Variants in ZFYVE28 observed in about 807,000 individuals in gnomAD.
The protein encoded by ZFYVE28 is lateral signaling target protein 2 homolog.
In ZFYVE28, 40 loss-of-function variants were observed where a neutral mutation model predicts 82.1. The observed-to-expected ratio is 0.49, with a 90% CI of 0.38 to 0.63. The LOEUF is 0.63. ZFYVE28 is among the 30% of genes least tolerant of loss of function. The pLI is 0.00. For synonymous variants in ZFYVE28, 612 were observed against 546.1 expected, an observed-to-expected ratio of 1.12 and a Z score of -1.68; for missense variants, 1,321 against 1,242.1, an observed-to-expected ratio of 1.06 and a Z score of -0.96.
intron 1 of ZFYVE28, among the ~76,000 whole-genome samples, chr4:2,385,662 C>T (rs1367298779): frequency 6.6e-6 from 1 of 152,228 alleles, no homozygotes; most frequent in African/African-American, 2.4e-5. Context: ...TGACCTCCTA[C>T]ATGGATTCCC....
Position 2,335,840 on chromosome 4 carries a change from A to G in ZFYVE28, c.612-46T>C, listed in dbSNP as rs751751274. The G allele has an allele frequency of 6.6e-6, 10 of 1,508,140 alleles. No homozygotes were observed. The highest frequency in any genetic ancestry group is 9.0e-6 in the Non-Finnish European group (10 of 1,109,644). The allele number at this position is 1,508,140 out of a possible 1,614,324, so 93.4% of individuals were successfully genotyped here. On this transcript the variant is annotated intron_variant, in intron 5 of 12. Coordinates refer to ENST00000290974, the MANE Select transcript of ZFYVE28 (RefSeq NM_020972.3). This position sits in a 1 kb window ranked among gnomAD's most constrained non-coding sequence, Gnocchi z 5.8. The stretch of plus-strand genomic sequence containing the variant: ...TGAGCAGCATGAGGGCTGGCCCACC[A>G]CAGCCACAGGTTGGACCCCAGCAGG...
intron 1 of ZFYVE28, among the ~76,000 whole-genome samples, chr4:2,363,318 C>T (rs1019383854): frequency 1.3e-5 from 2 of 152,106 alleles, no homozygotes; most frequent in Non-Finnish European, 2.9e-5. Context: ...GTGCTGAGGA[C>T]GCGGCATCCA....
chr4:2,362,413 C>T lies in ZFYVE28; in HGVS notation c.40-8340G>A, dbSNP rs1726286157. On this transcript the variant is annotated intron_variant, in intron 1 of 12. Coordinates refer to ENST00000290974, the MANE Select transcript of ZFYVE28 (RefSeq NM_020972.3). This position sits in a 1 kb window ranked among gnomAD's most constrained non-coding sequence, Gnocchi z 5.1. ...GACCCCCACAGCAGCTGTTCCTCAGCCCTCACCATGACCAACTAATGGCCG... is the reference window on the plus strand; with the variant it reads ...GACCCCCACAGCAGCTGTTCCTCAGTCCTCACCATGACCAACTAATGGCCG... 6.6e-6 allele frequency among the ~76,000 whole-genome samples: 1 copy of T among 152,148 alleles called. No individual in the cohort carries two copies. The highest frequency in any genetic ancestry group is 1.5e-5 in the Non-Finnish European group (1 of 68,016).
Position 2,377,947 on chromosome 4 carries a change from C to T in ZFYVE28, c.40-23874G>A, listed in dbSNP as rs1728332534. On this transcript the variant is annotated intron_variant, in intron 1 of 12. Transcript: ENST00000290974. ...AGCCTGTTGCTCCTGGGCCACAAAC[C>T]TGCACAGCACGTTACTGTGCTGAAC... Among the ~76,000 whole-genome samples the T allele has an allele frequency of 2.0e-5, 3 of 152,356 alleles. No homozygotes were observed. In the South Asian group the frequency reaches 6.2e-4, roughly 32 times the overall value.
chr4:2,309,343 C>T (rs961242005), intron 7 of ZFYVE28, among the ~76,000 whole-genome samples: 3 of 152,144 alleles, frequency 2.0e-5, no homozygotes, highest in African/African-American at 4.8e-5. Context: ...ATGAGCTAAA[C>T]GAACCTCCTT....
Position 2,320,341 on chromosome 4 carries a change from T to A in ZFYVE28, c.702-70A>T. ...CCTGGGTGCCGCGGACGGCCCAACT[T>A]AACCACCTGCGAAAACCACGCCCGC... On this transcript the variant is annotated intron_variant, in intron 6 of 12. Coordinates refer to ENST00000290974, the MANE Select transcript of ZFYVE28 (RefSeq NM_020972.3). The surrounding 1 kb of genome is among the most constrained non-coding windows in gnomAD (Gnocchi z 5.1). The A allele has an allele frequency of 6.8e-7, 1 of 1,461,910 alleles. No homozygotes were observed. Among genetic ancestry groups the A allele is most frequent in the Non-Finnish European group, 9.4e-7 (1 of 1,066,410 alleles). The allele number at this position is 1,461,910 out of a possible 1,614,324, so 90.6% of individuals were successfully genotyped here.
intron 6 of ZFYVE28, among the ~76,000 whole-genome samples, chr4:2,324,214 G>A (rs114496763): frequency 0.012 from 1,759 of 152,248 alleles, 32 homozygotes; most frequent in African/African-American, 0.039. Context: ...TCTGGAAGCC[G>A]GATTCCCCCT....
intron 5 of ZFYVE28, among the ~76,000 whole-genome samples, chr4:2,336,419 G>C (rs1292312624): frequency 6.6e-6 from 1 of 152,140 alleles, no homozygotes; most frequent in Non-Finnish European, 1.5e-5. Context: ...TGTGATAATA[G>C]TCAATTTCAA....
intron 2 of ZFYVE28, chr4:2,342,779 C>T (rs967590958): frequency 1.3e-5 from 2 of 152,118 alleles, no homozygotes; most frequent in African/African-American, 2.4e-5. Flanking sequence ...GGAAGTTTAA[C>T]TTTTGCTTTA....
chr4:2,271,823 G>T, intron 10 of ZFYVE28, 44 bp from the exon 11 acceptor site: 1 of 1,567,686 alleles, frequency 6.4e-7, no homozygotes. Context: ...AGGGAGGCGG[G>T]CAATTGATGC....
rs1195109808 is a variant in ZFYVE28, at chr4:2,273,265, T to G, written c.2231A>C (p.Asn744Thr). Reference protein sequence around the residue: ...ISGVADQLQTNYASDLRSILK... With the variant: ...ISGVADQLQTTYASDLRSILK... Reference sequence around the variant, plus strand: ...AATACTTCTCAGGTCACTGGCATAGTTCGTCTGCAGCTGGTCAGCCACACC... The same window carrying G: ...AATACTTCTCAGGTCACTGGCATAGGTCGTCTGCAGCTGGTCAGCCACACC... Residue 744 changes from asparagine (N) to threonine (T), a missense_variant, in exon 10 of 13, where the codon AAC becomes ACC. By Grantham distance (65) the Asn-to-Thr change is moderately conservative. Transcript: ENST00000290974. The G allele has an allele frequency of 6.2e-7, 1 of 1,612,978 alleles. No homozygotes were observed. The highest frequency in any genetic ancestry group is 1.3e-5 in the African/African-American group (1 of 74,928).
At chr4:2,360,093 G>A (rs573403226) in intron 1 of ZFYVE28, among the ~76,000 whole-genome samples, 2 of 152,230 alleles carry the variant, frequency 1.3e-5, no homozygotes, top group African/African-American at 2.4e-5. Flanking sequence ...ATGTCTAGGG[G>A]CCATGGGCTC....
intron 1 of ZFYVE28, among the ~76,000 whole-genome samples, chr4:2,360,075 C>A (rs1725904355): frequency 6.6e-6 from 1 of 152,138 alleles, no homozygotes; most frequent in African/African-American, 2.4e-5. Flanking sequence ...TTTGAGGAGG[C>A]CTCCATGATG....
At chr4:2,391,904 T>A (rs35325390) in intron 1 of ZFYVE28, among the ~76,000 whole-genome samples, 19,483 of 151,804 alleles carry the variant, frequency 0.13, 1,433 homozygotes, top group African/African-American at 0.19. Flanking sequence ...CCCAGCTAAT[T>A]TTTGTATTTT....
rs182710122 is a variant in ZFYVE28 at position 2,389,959 on chromosome 4, G to A, written c.39+28326C>T. Among the ~76,000 whole-genome samples the A allele has an allele frequency of 1.2e-3, 183 of 152,250 alleles. 1 individual carries two copies. The highest frequency in any genetic ancestry group is 4.1e-3 in the African/African-American group (169 of 41,564). ...GACGCCCAACGCCTCCCTTCCTCCC[G>A]CCCACCAGAATGCTATTGTGGGTTG... On this transcript the variant is annotated intron_variant, in intron 1 of 12. Coordinates refer to ENST00000290974, the MANE Select transcript of ZFYVE28 (RefSeq NM_020972.3).
chr4:2,341,971 G>A lies in ZFYVE28; in HGVS notation c.181-356C>T, dbSNP rs891223929. Among the ~76,000 whole-genome samples the A allele has an allele frequency of 6.6e-6, 1 of 152,220 alleles. No homozygotes were observed. The highest frequency in any genetic ancestry group is 2.4e-5 in the African/African-American group (1 of 41,462). ...GGAGGCAGAGGTTGCAGTGAGCCGA[G>A]ATGGTGCCATCGCACTCCAGCCAGG... On this transcript the variant is annotated intron_variant, in intron 2 of 12. Transcript: ENST00000290974. This position sits in a 1 kb window ranked among gnomAD's most constrained non-coding sequence, Gnocchi z 4.5.
At chr4:2,365,163 G>A (rs1175697056) in intron 1 of ZFYVE28, among the ~76,000 whole-genome samples, 2 of 151,876 alleles carry the variant, frequency 1.3e-5, no homozygotes, top group African/African-American at 4.8e-5. Flanking sequence ...GACGGGGAGG[G>A]GGCAGGGGAG....
chr4:2,349,579 G>T (rs999109650), intron 2 of ZFYVE28, among the ~76,000 whole-genome samples: 2 of 152,178 alleles, frequency 1.3e-5, no homozygotes, highest in Non-Finnish European at 2.9e-5. Context: ...CTGTTTCAAT[G>T]ATATAACTGA....
At position 2,338,060 on chromosome 4, in the gene ZFYVE28, G is replaced by C. The variant is rs983621622; in HGVS notation, c.522-564C>G. ...CTGGACCCAGTGCTGCCCATGTGCG[G>C]GACCATCCCCCACCTTGGCACCAGC... On this transcript the variant is annotated intron_variant, in intron 4 of 12. Transcript: ENST00000290974. Among the ~76,000 whole-genome samples, 12 of 152,212 alleles carry C rather than the reference G, an allele frequency of 7.9e-5. 1 individual carries two copies. The South Asian group carries it at 1.4e-3, about 18-fold the overall frequency.
Sources: allele counts gnomAD v4.1 joint callset (sites outside exome capture counted in the v4.1 genomes callset), GRCh38; gene constraint gnomAD v4.1.1; non-coding constraint Gnocchi (gnomAD v3.1); transcripts MANE v1.5; gene names NCBI Gene and HGNC (gene_info 2026-07-23, HGNC 2026-07-21).